ADGB: variants seen among roughly 807,000 people sequenced by gnomAD.
The protein encoded by ADGB is androglobin.
ADGB carries 172 observed loss-of-function variants against 210.5 expected under a neutral mutation model. That is an observed-to-expected ratio of 0.82 (90% CI 0.72 to 0.93). ADGB has a LOEUF of 0.93. ADGB is among the 40% of genes least tolerant of loss of function. ADGB has a pLI of 0.00. For missense variants in ADGB, 2,025 were observed against 1,964.8 expected (o/e 1.03, Z -0.58); for synonymous variants, 658 against 662.7 (o/e 0.99, Z 0.11).
In ADGB at chr6:146,749,832, G is replaced by A. The variant is rs372999043; in HGVS notation, c.3366-2698G>A. Among the ~76,000 whole-genome samples the A allele has an allele frequency of 1.4e-4, 21 of 152,216 alleles. 1 individual carries two copies. Among genetic ancestry groups the A allele is most frequent in the African/African-American group, 4.1e-4 (17 of 41,530 alleles). On this transcript the variant is annotated intron_variant, in intron 26 of 35. Coordinates refer to ENST00000397944, the MANE Select transcript of ADGB (RefSeq NM_024694.4). ...CACATGGCAGAGCAGGAGAGAGAGA[G>A]AGAGAGAGAAGGGGGAAGTGCTATA...
At chr6:146,634,433 GT>G (rs926382856) in intron 1 of ADGB, among the ~76,000 whole-genome samples, 2 of 151,778 alleles carry the variant, frequency 1.3e-5, no homozygotes, top group African/African-American at 4.8e-5. Context: ...ATTTTAGTCT[GT>G]TTTTTTTAAC....
Position 146,677,949 on chromosome 6 carries a change from CT to C in ADGB, c.1216+1511del, listed in dbSNP as rs1312381425. On this transcript the variant is annotated intron_variant, in intron 9 of 35. Transcript: ENST00000397944. The stretch of plus-strand genomic sequence containing the variant: ...ATTTTAGCATATTTATTGCAAAAGC[CT>C]TTGTTAATTCTTACATGTGCTAAAG... 2.0e-5 allele frequency among the ~76,000 whole-genome samples: 3 copies of C among 152,140 alleles called. No homozygotes were observed. The East Asian group carries it at 5.8e-4, about 29-fold the overall frequency.
At chr6:146,687,206 C>T (rs1338414780) in intron 10 of ADGB, among the ~76,000 whole-genome samples, 1 of 152,086 alleles carries the variant, frequency 6.6e-6, no homozygotes, top group Non-Finnish European at 1.5e-5. Flanking sequence ...AATATAAAAA[C>T]CAGCAACATT....
chr6:146,637,938 A>G (rs990731425), intron 2 of ADGB, among the ~76,000 whole-genome samples: 18 of 151,974 alleles, frequency 1.2e-4, no homozygotes, highest in Non-Finnish European at 2.4e-4. Flanking sequence ...ACAACAACAA[A>G]AAAATCTTCA....
At chr6:146,768,854 A>G (rs1489466996) in intron 28 of ADGB, among the ~76,000 whole-genome samples, 166 bp from the exon 29 acceptor site, 1 of 152,200 alleles carries the variant, frequency 6.6e-6, no homozygotes, top group Admixed American at 6.5e-5. Context: ...ACTTTTATAA[A>G]GTGTAGCGTT....
At chr6:146,613,548 T>C (rs533385329) in intron 1 of ADGB, among the ~76,000 whole-genome samples, 2 of 152,312 alleles carry the variant, frequency 1.3e-5, no homozygotes, top group African/African-American at 4.8e-5. Flanking sequence ...GACTCTAATG[T>C]TATTGTAATT....
intron 1 of ADGB, among the ~76,000 whole-genome samples, chr6:146,623,104 G>A (rs1315980878): frequency 2.0e-5 from 3 of 151,752 alleles, no homozygotes; most frequent in African/African-American, 7.3e-5. Flanking sequence ...TATGAGACTT[G>A]AACTGTTAGT....
Position 146,733,176 on chromosome 6 carries a change from T to C in ADGB, c.2577T>C (p.Pro859=). ...AAAAAGTTCAAATAACAAAACCTCC[T>C]CCAAACTTCAAATTTGCATTCCGGG... ...LMKKVQITKP[P]PNFKFAFRAM... The change falls in exon 21 of 36, where the codon CCT becomes CCC. Residue 859 remains proline (P), a synonymous_variant. Transcript: ENST00000397944. 1 of 1,542,574 alleles carries C rather than the reference T, an allele frequency of 6.5e-7. No individual in the cohort carries two copies.
chr6:146,688,555 C>A (rs988432877), intron 10 of ADGB, among the ~76,000 whole-genome samples: 1 of 152,020 alleles, frequency 6.6e-6, no homozygotes, highest in African/African-American at 2.4e-5. Flanking sequence ...GCGTGAGAGC[C>A]AAGGCATAAA....
At chr6:146,809,050 C>T (rs1329231999) in intron 35 of ADGB, among the ~76,000 whole-genome samples, 11 of 77,036 alleles carry the variant, frequency 1.4e-4, no homozygotes, top group Middle Eastern at 9.8e-3. Context: ...AAAGGGCAGG[C>T]GCATATCTAC....
chr6:146,758,705 C>A (rs1252858349), intron 27 of ADGB, among the ~76,000 whole-genome samples: 1 of 151,870 alleles, frequency 6.6e-6, no homozygotes, highest in Non-Finnish European at 1.5e-5. Flanking sequence ...AACTTTAATA[C>A]AGTTTTTCAA....
intron 10 of ADGB, among the ~76,000 whole-genome samples, chr6:146,690,234 G>T (rs1776284154): frequency 6.6e-6 from 1 of 152,036 alleles, no homozygotes; most frequent in South Asian, 2.1e-4. Context: ...GTGGGTTTCT[G>T]GTTCTAATTT....
intron 33 of ADGB, among the ~76,000 whole-genome samples, chr6:146,797,920 C>T (rs914483845): frequency 2.7e-5 from 4 of 146,092 alleles, no homozygotes; most frequent in Admixed American, 6.9e-5. Context: ...ATTGATAATA[C>T]ATAAATAAAT....
At chr6:146,690,978 T>C (rs907524694) in intron 10 of ADGB, 138 bp from the exon 11 acceptor site, 1 of 518,266 alleles carries the variant, frequency 1.9e-6, no homozygotes, top group African/African-American at 2.0e-5. Context: ...AATGCTTATA[T>C]TAAGAGAGGT....
intron 1 of ADGB, among the ~76,000 whole-genome samples, chr6:146,608,155 A>G (rs1007724102): frequency 6.6e-6 from 1 of 151,208 alleles, no homozygotes; most frequent in Non-Finnish European, 1.5e-5. Flanking sequence ...GAATTTATCC[A>G]TTTCTTCTAG....
chr6:146,785,127 A>G (rs1777855393), intron 31 of ADGB, among the ~76,000 whole-genome samples: 1 of 152,124 alleles, frequency 6.6e-6, no homozygotes, highest in Non-Finnish European at 1.5e-5. Flanking sequence ...CAAATGTTTA[A>G]TATGTGCTTT....
intron 3 of ADGB, among the ~76,000 whole-genome samples, chr6:146,650,634 A>G (rs13196655): frequency 9.0e-6 from 1 of 111,512 alleles, no homozygotes; most frequent in African/African-American, 3.7e-5. Context: ...AAAAAAAAAA[A>G]TCAGGGGCCA....
chr6:146,716,314 G>A (rs947879893), intron 14 of ADGB, among the ~76,000 whole-genome samples: 2 of 128,462 alleles, frequency 1.6e-5, no homozygotes, highest in South Asian at 2.1e-4. Context: ...TGTGAGGGCC[G>A]GGCGCGGTGG....
intron 12 of ADGB, among the ~76,000 whole-genome samples, chr6:146,697,665 A>T (rs1170581645): frequency 6.6e-6 from 1 of 152,164 alleles, no homozygotes; most frequent in Non-Finnish European, 1.5e-5. Flanking sequence ...AGACACGTTG[A>T]ACATGACCAA....
Sources: gnomAD v4.1 joint callset for allele counts (sites outside exome capture counted in the v4.1 genomes callset) on GRCh38, gnomAD v4.1.1 for gene constraint, MANE v1.5 for transcripts, NCBI Gene and HGNC (gene_info 2026-07-23, HGNC 2026-07-21) for gene names.